The following TCP1 variants were observed in gnomAD, a reference collection of about 807,000 sequenced individuals.
The protein encoded by TCP1 is t-complex 1.
In TCP1, 6 loss-of-function variants were observed where a neutral mutation model predicts 54.7. The observed-to-expected ratio is 0.11, with a 90% CI of 0.06 to 0.22. The LOEUF is 0.22. Ranked by LOEUF, TCP1 falls within the 10% of genes least tolerant of loss-of-function variation. The pLI, the probability that TCP1 is intolerant of heterozygous loss-of-function variation, is 1.00. For missense variants in TCP1, 511 were observed against 678.2 expected (o/e 0.75, Z 2.74); for synonymous variants, 225 against 229.7 (o/e 0.98, Z 0.19).
chr6:159,781,501 A>C (rs924389568), intron 7 of TCP1, among the ~76,000 whole-genome samples: 5 of 152,202 alleles, frequency 3.3e-5, no homozygotes, highest in African/African-American at 1.2e-4. Context: ...GGCCAAGTGC[A>C]GTGGCTCACG....
In TCP1 at chr6:159,787,078, T is replaced by TAAAA. The variant is rs76955548; in HGVS notation, c.279+661_279+664dup. On this transcript the variant is annotated intron_variant, in intron 3 of 11. Coordinates refer to ENST00000321394, the MANE Select transcript of TCP1 (RefSeq NM_030752.3). The stretch of plus-strand genomic sequence containing the variant: ...GGCAACATAGCGAGACCCTGTCTCT[T>TAAAA]AAAAAAAAAAAAAAGAGGTTTTTAA... Among the ~76,000 whole-genome samples, 40 of 133,614 alleles carry TAAAA rather than the reference T, an allele frequency of 3.0e-4. 2 individuals are homozygous for TAAAA. The highest frequency in any genetic ancestry group is 3.4e-4 in the Non-Finnish European group (22 of 64,184). The allele number at this position is 133,614 out of a possible 152,430, so 87.7% of individuals were successfully genotyped here. A position where few individuals can be genotyped will look rare whatever the true frequency, so the allele number is the denominator to read the frequency against.
chr6:159,782,433 GCTT>G (rs922950349), intron 7 of TCP1, among the ~76,000 whole-genome samples: 8 of 152,212 alleles, frequency 5.3e-5, no homozygotes, highest in Middle Eastern at 3.4e-3. Flanking sequence ...AGAAAGAAAA[GCTT>G]CTCTAAGAGA....
intron 7 of TCP1, among the ~76,000 whole-genome samples, chr6:159,782,067 A>ATT (rs957443228): frequency 1.9e-4 from 29 of 152,216 alleles, no homozygotes; most frequent in African/African-American, 7.0e-4. Flanking sequence ...AGTAAAATAA[A>ATT]TAACAAGAGT....
At chr6:159,785,282 C>G (rs1780667614) in intron 5 of TCP1, 104 bp downstream of exon 5, 1 of 870,628 alleles carries the variant, frequency 1.1e-6, no homozygotes, top group African/African-American at 1.7e-5. Flanking sequence ...ATACTCCTAC[C>G]TCAGCCTCCT....
intron 9 of TCP1, 157 bp downstream of exon 9, chr6:159,780,286 A>G: frequency 1.3e-5 from 16 of 1,229,652 alleles, no homozygotes; most frequent in Non-Finnish European, 1.9e-5. Flanking sequence ...GAAAATGGTT[A>G]CTTCATCTCA....
rs1163974462 is a variant in TCP1, at chr6:159,787,881, T to A, written c.151-10A>T. 2 of 1,613,206 alleles carry A rather than the reference T, an allele frequency of 1.2e-6. No homozygotes were observed. The highest frequency in any genetic ancestry group is 1.7e-6 in the Non-Finnish European group (2 of 1,179,372). Reference sequence around the variant, plus strand: ...TAGTAATGGTTACATCCTAAGAAATTCGCAGGAAAAAATATGAACCACTTA... The same window carrying A: ...TAGTAATGGTTACATCCTAAGAAATACGCAGGAAAAAATATGAACCACTTA... On this transcript the variant is annotated splice_polypyrimidine_tract_variant and intron_variant, in intron 2 of 11. Transcript: ENST00000321394.
intron 11 of TCP1, 85 bp downstream of exon 11, chr6:159,779,542 T>A: frequency 6.7e-7 from 1 of 1,490,668 alleles, no homozygotes; most frequent in Non-Finnish European, 9.0e-7. Flanking sequence ...CTGTTACTTA[T>A]GTTTGCTGAC....
chr6:159,786,441 C>A (rs1406886263), intron 3 of TCP1, among the ~76,000 whole-genome samples: 2 of 152,106 alleles, frequency 1.3e-5, no homozygotes, highest in Non-Finnish European at 2.9e-5. Context: ...GAAACTAGTT[C>A]ATCAATACAA....
intron 1 of TCP1, chr6:159,789,137 C>T (rs1780781671): frequency 2.1e-6 from 1 of 471,872 alleles, no homozygotes. Context: ...CCGCGGAGGG[C>T]GCGTTTCCAA....
rs911800172 is a variant in TCP1 at position 159,784,514 on chromosome 6, C to G, written c.670+152G>C. 2.3e-5 allele frequency: 17 copies of G among 753,526 alleles called. No homozygotes were observed. The African/African-American group carries it at 2.8e-4, about 13-fold the overall frequency. 46.7% of individuals were successfully genotyped at this position (753,526 alleles called of 1,614,324 possible). A position where few individuals can be genotyped will look rare whatever the true frequency, so the allele number is the denominator to read the frequency against. ...AGAGATGAGGTTTCACCATATTGGACAGGCTGCTCTCAAACTCCTGCCCTC... is the reference window on the plus strand; with the variant it reads ...AGAGATGAGGTTTCACCATATTGGAGAGGCTGCTCTCAAACTCCTGCCCTC... On this transcript the variant is annotated intron_variant, in intron 6 of 11. Transcript: ENST00000321394.
At position 159,779,278 on chromosome 6, in the gene TCP1, A is replaced by C. The variant is rs1562481580; in HGVS notation, c.1455-17T>G. On this transcript the variant is annotated splice_polypyrimidine_tract_variant and intron_variant, in intron 11 of 11. Transcript: ENST00000321394. The stretch of plus-strand genomic sequence containing the variant: ...AGACCAATCCTGCAATTAAGAAAGA[A>C]TTATTTAACGGCCGCTTACAATTTC... 6.2e-7 allele frequency: 1 copy of C among 1,604,574 alleles called. No individual in the cohort carries two copies. Among genetic ancestry groups the C allele is most frequent in the South Asian group, 1.1e-5 (1 of 90,234 alleles).
At chr6:159,779,509 T>C in intron 11 of TCP1, 118 bp downstream of exon 11, 2 of 1,391,148 alleles carry the variant, frequency 1.4e-6, no homozygotes, top group Non-Finnish European at 1.9e-6. Context: ...TGTGAAGTTT[T>C]TCATGTTAAG....
chr6:159,782,711 TAGAG>T (rs950376364), intron 7 of TCP1, among the ~76,000 whole-genome samples: 15 of 152,106 alleles, frequency 9.9e-5, no homozygotes, highest in African/African-American at 3.6e-4. Context: ...TTCTACTAGA[TAGAG>T]GTATGTGTGT....
chr6:159,785,733 A>G (rs752339888), intron 4 of TCP1, 167 bp downstream of exon 4: 17 of 795,438 alleles, frequency 2.1e-5, no homozygotes, highest in Non-Finnish European at 3.5e-5. Flanking sequence ...CAAATGAGAA[A>G]AAAGATACTG....
At chr6:159,783,319 T>C (rs1780619029) in intron 7 of TCP1, among the ~76,000 whole-genome samples, 1 of 151,448 alleles carries the variant, frequency 6.6e-6, no homozygotes, top group Non-Finnish European at 1.5e-5. Flanking sequence ...ATTTAAAAGA[T>C]GACAGCACAT....
chr6:159,784,121 A>T, intron 6 of TCP1, 54 bp from the exon 7 acceptor site: 2 of 1,573,346 alleles, frequency 1.3e-6, no homozygotes, highest in South Asian at 2.4e-5. Flanking sequence ...AGCATAATAA[A>T]GAGTACCTAT....
chr6:159,784,645 A>G, intron 6 of TCP1, 21 bp downstream of exon 6: 1 of 1,606,770 alleles, frequency 6.2e-7, no homozygotes, highest in South Asian at 1.1e-5. Context: ...CTCATTCTAT[A>G]AACCAAATCC....
chr6:159,786,612 CTG>C (rs1468347542), intron 3 of TCP1, among the ~76,000 whole-genome samples: 1 of 152,222 alleles, frequency 6.6e-6, no homozygotes, highest in Non-Finnish European at 1.5e-5. Context: ...AGCAAAAAGA[CTG>C]TCAGCTTCTT....
intron 5 of TCP1, chr6:159,785,181 T>A (rs752900230): frequency 8.2e-5 from 50 of 610,338 alleles, no homozygotes; most frequent in Non-Finnish European, 1.3e-4. Context: ...TACGCACGCG[T>A]GCGCGCAACA....
Sources: gnomAD v4.1 joint callset for allele counts (sites outside exome capture counted in the v4.1 genomes callset) on GRCh38, gnomAD v4.1.1 for gene constraint, MANE v1.5 for transcripts, NCBI Gene and HGNC (gene_info 2026-07-23, HGNC 2026-07-21) for gene names.